Variants in ZNF429 observed in about 807,000 individuals in gnomAD.
The protein encoded by ZNF429 is zinc finger protein 429.
ZNF429 carries 53 observed loss-of-function variants against 56.8 expected under a neutral mutation model. That is an observed-to-expected ratio of 0.93 (90% confidence interval 0.75 to 1.17). ZNF429 has a LOEUF of 1.17. Ranked by LOEUF, ZNF429 falls within the 50% of genes most tolerant of loss-of-function variation. The pLI, the probability that ZNF429 is intolerant of heterozygous loss-of-function variation, is 0.00. For missense variants in ZNF429, 849 were observed against 788.4 expected (o/e 1.08, Z -0.92); for synonymous variants, 278 against 264.7 (o/e 1.05, Z -0.49).
chr19:21,529,264 C>T, intron 1 of ZNF429: 1 of 154,182 alleles, frequency 6.5e-6, no homozygotes, highest in East Asian at 1.9e-4. Context: ...TCATTGAACA[C>T]ATTAAAATGT....
At chr19:21,512,292 AGCTGGCTCCTTTACT>A in intron 1 of ZNF429, among the ~76,000 whole-genome samples, 1 of 152,212 alleles carries the variant, frequency 6.6e-6, no homozygotes, top group Non-Finnish European at 1.5e-5. Flanking sequence ...GGTGGGTTTT[AGCTGGCTCCTTTACT>A]GCCGTCTGTT....
At position 21,537,183 on chromosome 19, in the gene ZNF429, C is replaced by T. The variant is rs780863887; in HGVS notation, c.1130C>T (p.Ala377Val). ...KPYKCEECGK[A>V]FNQSSRLTRH... ...TACAAATGTGAAGAATGTGGCAAAGCTTTTAACCAGTCTTCAAGACTTACT... is the reference window on the plus strand; with the variant it reads ...TACAAATGTGAAGAATGTGGCAAAGTTTTTAACCAGTCTTCAAGACTTACT... Residue 377 changes from alanine to valine, a missense_variant, in exon 4 of 4, where the codon GCT (alanine) becomes GTT (valine). By Grantham distance (64) the Ala-to-Val change is moderately conservative. Coordinates refer to ENST00000358491, the MANE Select transcript of ZNF429 (RefSeq NM_001001415.4). 6.2e-7 allele frequency: 1 copy of T among 1,613,694 alleles called. No individual in the cohort carries two copies. The highest frequency in any genetic ancestry group is 1.1e-5 in the South Asian group (1 of 91,060).
intron 1 of ZNF429, among the ~76,000 whole-genome samples, chr19:21,512,086 C>T (rs565033929): frequency 7.9e-5 from 12 of 151,284 alleles, no homozygotes; most frequent in Middle Eastern, 3.4e-3. Flanking sequence ...AGAGGGAGAC[C>T]GTGGGGAGAG....
intron 3 of ZNF429, among the ~76,000 whole-genome samples, 161 bp downstream of exon 3, chr19:21,530,845 C>T: frequency 2.6e-5 from 4 of 152,078 alleles, no homozygotes; most frequent in East Asian, 1.9e-4. Context: ...GTGGTTCACA[C>T]GTGTAATCCC....
At chr19:21,531,767 C>T in intron 3 of ZNF429, among the ~76,000 whole-genome samples, 3 of 150,494 alleles carry the variant, frequency 2.0e-5, no homozygotes, top group Non-Finnish European at 4.4e-5. Flanking sequence ...GCTCATGCCA[C>T]TGCACTCCAG....
In ZNF429 at chr19:21,539,063, T is replaced by G. The variant is rs1326821040; in HGVS notation, c.*985T>G. Among the ~76,000 whole-genome samples the G allele has an allele frequency of 6.6e-6, 1 of 152,126 alleles. No homozygotes were observed. The highest frequency in any genetic ancestry group is 6.6e-5 in the Admixed American group (1 of 15,254). On this transcript the variant is annotated 3_prime_UTR_variant, in exon 4 of 4. Transcript: ENST00000358491. ...GTGTAATAAATTTGGAAAAACTTTT[T>G]TTTCCCCAAAAACTATACCTCAGGA... is the stretch of plus-strand genomic sequence containing the variant.
At chr19:21,513,052 C>T (rs1427275096) in intron 1 of ZNF429, among the ~76,000 whole-genome samples, 2 of 151,770 alleles carry the variant, frequency 1.3e-5, no homozygotes, top group African/African-American at 4.8e-5. Context: ...TTCTATTTTT[C>T]AGTAGAGACA....
chr19:21,527,069 T>C (rs1330017741), intron 1 of ZNF429, among the ~76,000 whole-genome samples: 1 of 152,208 alleles, frequency 6.6e-6, no homozygotes, highest in African/African-American at 2.4e-5. Flanking sequence ...TGTCTTCATT[T>C]GTATCAGAAC....
chr19:21,517,147 A>G (rs2032781424), intron 1 of ZNF429, among the ~76,000 whole-genome samples: 1 of 152,220 alleles, frequency 6.6e-6, no homozygotes, highest in Non-Finnish European at 1.5e-5. Flanking sequence ...TCTAAACATG[A>G]AGAATGTTAC....
intron 1 of ZNF429, among the ~76,000 whole-genome samples, chr19:21,523,571 C>A (rs1303738189): frequency 6.6e-6 from 1 of 152,236 alleles, no homozygotes; most frequent in African/African-American, 2.4e-5. Context: ...ACGATGTACA[C>A]TCAATCAGTA....
intron 3 of ZNF429, among the ~76,000 whole-genome samples, chr19:21,532,338 A>G: frequency 6.6e-6 from 1 of 152,138 alleles, no homozygotes; most frequent in Non-Finnish European, 1.5e-5. Flanking sequence ...AAAGAAAGCA[A>G]AAGAACATCA....
At chr19:21,520,848 A>G (rs910742911) in intron 1 of ZNF429, among the ~76,000 whole-genome samples, 2 of 152,178 alleles carry the variant, frequency 1.3e-5, no homozygotes, top group African/African-American at 4.8e-5. Flanking sequence ...CAATTAACAT[A>G]GTTATTATGT....
At position 21,536,535 on chromosome 19, in the gene ZNF429, A is replaced by C; in HGVS notation, c.482A>C (p.Asp161Ala). ...GTCTTTTATGCATTTTCAAATGCAG[A>C]TAGATACAAGACAAGACATACTGGA... is the stretch of plus-strand genomic sequence containing the variant. Reference protein sequence around the residue: ...VKVFYAFSNADRYKTRHTGKK... With the variant: ...VKVFYAFSNAARYKTRHTGKK... Residue 161 changes from aspartate (D) to alanine (A), a missense_variant, in exon 4 of 4, where the codon GAT (aspartate) becomes GCT (alanine). By Grantham distance (126) the Asp-to-Ala change is moderately radical. Transcript: ENST00000358491. 1 of 1,613,146 alleles carries C rather than the reference A, an allele frequency of 6.2e-7. No homozygotes were observed. Among genetic ancestry groups the C allele is most frequent in the Non-Finnish European group, 8.5e-7 (1 of 1,179,608 alleles).
intron 1 of ZNF429, among the ~76,000 whole-genome samples, chr19:21,511,016 A>G (rs965281334): frequency 2.0e-5 from 3 of 152,020 alleles, no homozygotes; most frequent in Non-Finnish European, 4.4e-5. Flanking sequence ...CGATTTCTCA[A>G]TCTTTTCCCC....
In ZNF429 at chr19:21,536,986, A is replaced by G; in HGVS notation, c.933A>G (p.Lys311=). 1 of 1,613,822 alleles carries G rather than the reference A, an allele frequency of 6.2e-7. No homozygotes were observed. Among genetic ancestry groups the G allele is most frequent in the Non-Finnish European group, 8.5e-7 (1 of 1,179,942 alleles). The change falls in exon 4 of 4, where the codon AAA becomes AAG. Residue 311 remains lysine, a synonymous_variant. Coordinates refer to ENST00000358491, the MANE Select transcript of ZNF429 (RefSeq NM_001001415.4). ...TKHKIIHTEE[K]PYKCKECGKA... ...ATAAGATAATTCATACTGAAGAGAA[A>G]CCCTACAAATGTAAAGAATGTGGCA...
At chr19:21,524,463 G>A (rs967883136) in intron 1 of ZNF429, among the ~76,000 whole-genome samples, 2 of 152,112 alleles carry the variant, frequency 1.3e-5, no homozygotes, top group Non-Finnish European at 2.9e-5. Flanking sequence ...AGGAGGCGGA[G>A]GTTACAGTGA....
chr19:21,539,418 T>C lies in ZNF429; in HGVS notation c.*1340T>C, dbSNP rs1435074373. On this transcript the variant is annotated 3_prime_UTR_variant, in exon 4 of 4. Transcript: ENST00000358491. Reference sequence around the variant, plus strand: ...ATATTTTGCAAAGTTATATTCAAAGTGTACTTTTTATTTATTTTTTTGAGA... The same window carrying C: ...ATATTTTGCAAAGTTATATTCAAAGCGTACTTTTTATTTATTTTTTTGAGA... Among the ~76,000 whole-genome samples, 2 of 152,158 alleles carry C rather than the reference T, an allele frequency of 1.3e-5. No individual in the cohort carries two copies. The highest frequency in any genetic ancestry group is 3.4e-3 in the Middle Eastern group (1 of 292).
chr19:21,527,465 G>A (rs1168500437), intron 1 of ZNF429, among the ~76,000 whole-genome samples: 2 of 152,168 alleles, frequency 1.3e-5, no homozygotes, highest in African/African-American at 4.8e-5. Flanking sequence ...AATCAAGTAT[G>A]AAAGCTTCAA....
At chr19:21,533,272 AGTT>A in intron 3 of ZNF429, among the ~76,000 whole-genome samples, 3 of 151,930 alleles carry the variant, frequency 2.0e-5, no homozygotes, top group Non-Finnish European at 2.9e-5. Context: ...AATTTAGTTC[AGTT>A]GTTTTCCCAT....
Sources: allele counts gnomAD v4.1 joint callset (sites outside exome capture counted in the v4.1 genomes callset), GRCh38; gene constraint gnomAD v4.1.1; transcripts MANE v1.5; gene names NCBI Gene and HGNC (gene_info 2026-07-23, HGNC 2026-07-21).